Variants in MIA2 observed in about 807,000 individuals in gnomAD.
MIA2 encodes MIA SH3 domain ER export factor 2.
In MIA2, 127 loss-of-function variants were observed where a neutral mutation model predicts 167.8. That is an observed-to-expected ratio of 0.76 (90% CI 0.66 to 0.88). The LOEUF (loss-of-function observed/expected upper bound fraction) is 0.88. MIA2 is among the 40% of genes least tolerant of loss of function. The probability of loss-of-function intolerance (pLI) is 0.00; values close to 1 mark genes in which losing one functional copy is unlikely to be tolerated. For missense variants in MIA2, 1,690 were observed against 1,624.7 expected, an observed-to-expected ratio of 1.04 and a Z score of -0.69; for synonymous variants, 552 against 541.9, an observed-to-expected ratio of 1.02 and a Z score of -0.26.
chr14:39,292,546 A>G (rs986871274), intron 10 of MIA2: 1 of 161,296 alleles, frequency 6.2e-6, no homozygotes, highest in African/African-American at 2.4e-5. Flanking sequence ...AATTCCTAGA[A>G]TGAAATATTC....
chr14:39,242,324 A>ATTTT lies in MIA2; in HGVS notation c.336+1688_336+1691dup, dbSNP rs56734587. Among the ~76,000 whole-genome samples the ATTTT allele has an allele frequency of 1.0e-3, 146 of 141,306 alleles. 2 individuals are homozygous for ATTTT. In the East Asian group the frequency reaches 0.014, roughly 13 times the overall value. The allele number at this position is 141,306 out of a possible 152,430, so 92.7% of individuals were successfully genotyped here. On this transcript the variant is annotated intron_variant, in intron 3 of 28. Transcript: ENST00000640607. The stretch of plus-strand genomic sequence containing the variant: ...TTATTTCCTTCATAGTACTTATTGC[A>ATTTT]TTTTTTTTTTTTTTGAGATGGAGTT...
At chr14:39,241,915 G>C (rs1022537360) in intron 3 of MIA2, among the ~76,000 whole-genome samples, 25 of 152,090 alleles carry the variant, frequency 1.6e-4, no homozygotes, top group African/African-American at 5.1e-4. Flanking sequence ...ACTTTTGACT[G>C]TTCTTAGAAC....
At chr14:39,309,216 C>G (rs2152920805) in intron 18 of MIA2, among the ~76,000 whole-genome samples, 1 of 152,308 alleles carries the variant, frequency 6.6e-6, no homozygotes, top group African/African-American at 2.4e-5. Context: ...TCCGCCCTTT[C>G]TCCTGCACTG....
chr14:39,366,188 G>C (rs2074818620), intron 23 of MIA2, among the ~76,000 whole-genome samples: 1 of 152,168 alleles, frequency 6.6e-6, no homozygotes, highest in Non-Finnish European at 1.5e-5. Context: ...TGCCAGGTGG[G>C]CCAGGCCGTC....
At chr14:39,288,673 GGATGGTCTGGAACTCCT>G (rs1227998970) in intron 9 of MIA2, among the ~76,000 whole-genome samples, 5 of 150,678 alleles carry the variant, frequency 3.3e-5, no homozygotes, top group African/African-American at 1.2e-4. Flanking sequence ...ATGTTGGCTA[GGATGGTCTGGAACTCCT>G]GACCCTGTGA....
At chr14:39,371,766 A>G (rs560876943) in intron 23 of MIA2, among the ~76,000 whole-genome samples, 7 of 152,248 alleles carry the variant, frequency 4.6e-5, no homozygotes, top group South Asian at 2.1e-4. Flanking sequence ...AAGAGTTTCA[A>G]GGTTTCACAG....
At chr14:39,241,218 G>A (rs867718602) in intron 3 of MIA2, among the ~76,000 whole-genome samples, 24 of 152,230 alleles carry the variant, frequency 1.6e-4, no homozygotes, top group South Asian at 2.1e-4. Context: ...GGCTTCAAGG[G>A]AATCAGGAGG....
intron 14 of MIA2, 61 bp from the exon 15 acceptor site, chr14:39,302,068 T>C (rs1248262805): frequency 6.5e-7 from 1 of 1,548,076 alleles, no homozygotes; most frequent in African/African-American, 1.4e-5. Context: ...CATTCACAAG[T>C]TGTAAAGCTG....
intron 23 of MIA2, among the ~76,000 whole-genome samples, chr14:39,377,193 T>G (rs1343863177): frequency 2.6e-5 from 4 of 151,540 alleles, no homozygotes; most frequent in Admixed American, 6.6e-5. Context: ...TTTTGGCAGG[T>G]TGTGAAGTCT....
chr14:39,259,638 T>C (rs6571910), intron 6 of MIA2, among the ~76,000 whole-genome samples: 151,051 of 151,054 alleles, frequency 1, 75,524 homozygotes, highest in Middle Eastern at 1. Flanking sequence ...TGAAGCAATC[T>C]TCCCACCTCA....
chr14:39,379,403 A>G (rs1290676565), intron 23 of MIA2, among the ~76,000 whole-genome samples: 1 of 152,198 alleles, frequency 6.6e-6, no homozygotes, highest in Non-Finnish European at 1.5e-5. Flanking sequence ...TCATGATGTA[A>G]TAACCTTAAT....
chr14:39,275,139 T>TTGTGTGTGTGTGTGTGTGTGTGTG (rs67380839), intron 6 of MIA2, among the ~76,000 whole-genome samples: 3,145 of 126,596 alleles, frequency 0.025, 72 homozygotes, highest in African/African-American at 0.042. Flanking sequence ...CCTTAATCCT[T>TTGTGTGTGTGTGTGTGTGTGTGTG]TGTGTGTGTG....
chr14:39,236,249 G>A (rs77595032), intron 1 of MIA2, among the ~76,000 whole-genome samples: 29 of 152,252 alleles, frequency 1.9e-4, no homozygotes, highest in South Asian at 2.1e-4. Context: ...AAGGGCAATC[G>A]CAGTAGGCTG....
intron 23 of MIA2, among the ~76,000 whole-genome samples, chr14:39,372,917 A>G (rs17109163): frequency 0.08 from 12,118 of 152,188 alleles, 1,620 homozygotes; most frequent in African/African-American, 0.27. Flanking sequence ...AGGATGCAAT[A>G]AAAAGTGTGT....
In MIA2 at chr14:39,248,099, A is replaced by G; in HGVS notation, c.1525A>G (p.Asn509Asp). The part of the protein sequence containing the change: ...EFSIDNYPTD[N>D]TKVMIFKSSY... ...TTCCATTGATAATTATCCCACAGAT[A>G]ATACAAAAGTTATGATATTCAAAAG... is the stretch of plus-strand genomic sequence containing the variant. The change falls in exon 4 of 29, where the codon AAT (asparagine) becomes GAT (aspartate). Residue 509 changes from asparagine (N) to aspartate (D), a missense_variant. By Grantham distance (23) the Asn-to-Asp change is conservative. Transcript: ENST00000640607. 1.3e-6 allele frequency: 2 copies of G among 1,538,178 alleles called. No homozygotes were observed. The highest frequency in any genetic ancestry group is 1.7e-6 in the Non-Finnish European group (2 of 1,147,054).
intron 23 of MIA2, among the ~76,000 whole-genome samples, chr14:39,360,245 T>G (rs1469272576): frequency 6.6e-6 from 1 of 152,208 alleles, no homozygotes; most frequent in Non-Finnish European, 1.5e-5. Flanking sequence ...GAGGTTGCAG[T>G]GAGCCAAGAT....
intron 23 of MIA2, among the ~76,000 whole-genome samples, chr14:39,382,702 G>T (rs1015025477): frequency 4.6e-5 from 7 of 152,174 alleles, no homozygotes. Flanking sequence ...CTACTGCTTA[G>T]GAACAAAAGG....
Position 39,384,933 on chromosome 14 carries a change from G to C in MIA2, c.2249-1952G>C, listed in dbSNP as rs541558016. Among the ~76,000 whole-genome samples, 8 of 152,238 alleles carry C rather than the reference G, an allele frequency of 5.3e-5. No individual in the cohort carries two copies. In the East Asian group the frequency reaches 1.5e-3, roughly 29 times the overall value. On this transcript the variant is annotated intron_variant, in intron 23 of 23. Transcript: ENST00000341502. ...AACTACCTTTTAACTCTTAACAATT[G>C]CAAGTATAAAATACTTGAAATTTAT...
intron 25 of MIA2, among the ~76,000 whole-genome samples, chr14:39,339,771 T>A (rs570525954): frequency 1.4e-4 from 22 of 152,336 alleles, no homozygotes; most frequent in Admixed American, 1.0e-3. Context: ...ATACCTAATG[T>A]GTCTAGTACA....
Sources: allele counts gnomAD v4.1 joint callset (sites outside exome capture counted in the v4.1 genomes callset), GRCh38; gene constraint gnomAD v4.1.1; transcripts MANE v1.5; gene names NCBI Gene and HGNC (gene_info 2026-07-23, HGNC 2026-07-21).